The following BMP2K variants were observed in gnomAD, a reference collection of about 807,000 sequenced individuals.
The protein encoded by BMP2K is BMP-2-inducible protein kinase.
Under a neutral mutation model 116.0 loss-of-function variants are expected in BMP2K, and 74 were observed. That is an observed-to-expected ratio of 0.64 (90% CI 0.53 to 0.77). BMP2K has a LOEUF of 0.77. BMP2K is among the 30% of genes least tolerant of loss of function. The pLI is 0.00. For synonymous variants in BMP2K, 486 were observed against 502.5 expected (o/e 0.97, Z 0.44); for missense variants, 1,365 against 1,403.6 (o/e 0.97, Z 0.44).
chr4:78,805,295 C>T (rs534825226), intron 1 of BMP2K, among the ~76,000 whole-genome samples: 1 of 152,304 alleles, frequency 6.6e-6, no homozygotes, highest in African/African-American at 2.4e-5. Context: ...ACCAGTACCA[C>T]ACTGTCTTGA....
chr4:78,871,803 G>A (rs1308449548), intron 11 of BMP2K, 47 bp from the exon 12 acceptor site: 1 of 1,338,290 alleles, frequency 7.5e-7, no homozygotes, highest in Non-Finnish European at 1.1e-6. Context: ...AAAGGGCTCT[G>A]ACACAAAAAA....
chr4:78,872,619 G>A lies in BMP2K; in HGVS notation c.1614G>A (p.Pro538=), dbSNP rs767986751. 30 of 1,613,130 alleles carry A rather than the reference G, an allele frequency of 1.9e-5. No individual in the cohort carries two copies. Among genetic ancestry groups the A allele is most frequent in the African/African-American group, 6.7e-5 (5 of 74,842 alleles). ...PSASQYPTMM[P]QYQQAFFQQQ... The stretch of plus-strand genomic sequence containing the variant: ...AATATCATTTCTTTTTTCAGATGCC[G>A]CAGTATCAGCAGGCTTTCTTTCAAC... The change falls in exon 13 of 16, where the codon CCG becomes CCA. Residue 538 remains proline (P), a synonymous_variant. Coordinates refer to ENST00000502613, the MANE Select transcript of BMP2K (RefSeq NM_198892.2).
intron 1 of BMP2K, among the ~76,000 whole-genome samples, chr4:78,825,808 A>G (rs1729840512): frequency 6.6e-6 from 1 of 152,246 alleles, no homozygotes; most frequent in Admixed American, 6.5e-5. Context: ...TTTAGCCTTT[A>G]AGAGAGAAGC....
At chr4:78,874,600 G>A (rs1206482267) in intron 13 of BMP2K, among the ~76,000 whole-genome samples, 2 of 152,112 alleles carry the variant, frequency 1.3e-5, no homozygotes, top group Non-Finnish European at 2.9e-5. Context: ...GATATTAACT[G>A]TCTTCTCTGA....
rs34599936 is a variant in BMP2K, at chr4:78,872,303, CTTTTTTTTTTTT to C, written c.1609-296_1609-285del. 6.5e-5 allele frequency: 6 copies of C among 92,332 alleles called. 1 individual carries two copies. The highest frequency in any genetic ancestry group is 2.2e-4 in the East Asian group (1 of 4,464). The allele number at this position is 92,332 out of a possible 1,614,324, so 5.7% of individuals were successfully genotyped here. ...TATTTTCTTCAGAGAATAATTTGAC[CTTTTTTTTTTTT>C]TTTTTTTTTTTTTTAACAGCAACCA... On this transcript the variant is annotated intron_variant, in intron 12 of 15. Coordinates refer to ENST00000502613, the MANE Select transcript of BMP2K (RefSeq NM_198892.2).
intron 1 of BMP2K, among the ~76,000 whole-genome samples, chr4:78,813,141 T>G (rs1046837852): frequency 1.4e-4 from 21 of 152,004 alleles, no homozygotes; most frequent in African/African-American, 5.1e-4. Flanking sequence ...TTCTTCTATT[T>G]CCTCAGTCCA....
intron 1 of BMP2K, among the ~76,000 whole-genome samples, chr4:78,784,055 A>G (rs752493547): frequency 4.1e-4 from 62 of 152,216 alleles, no homozygotes; most frequent in Non-Finnish European, 7.2e-4. Flanking sequence ...GATGTTGTCA[A>G]TGTTAGAGAA....
In BMP2K at chr4:78,847,967, C is replaced by A. The variant is rs577189315; in HGVS notation, c.750+698C>A. ...ATATTAGGAATGGAGGAATAAAATT[C>A]TTTGGAAATAGTTCTAGGGTTTGTA... On this transcript the variant is annotated intron_variant, in intron 6 of 15. Transcript: ENST00000502613. Among the ~76,000 whole-genome samples the A allele has an allele frequency of 2.6e-5, 4 of 151,630 alleles. No homozygotes were observed. The South Asian group carries it at 8.3e-4, about 31-fold the overall frequency.
chr4:78,844,431 T>C (rs186016356), intron 4 of BMP2K, among the ~76,000 whole-genome samples: 10 of 151,742 alleles, frequency 6.6e-5, no homozygotes, highest in Non-Finnish European at 1.2e-4. Flanking sequence ...ATAAAAATGG[T>C]ACTAGAAATC....
At chr4:78,818,135 T>A (rs577949672) in intron 1 of BMP2K, among the ~76,000 whole-genome samples, 58 of 152,256 alleles carry the variant, frequency 3.8e-4, no homozygotes, top group Non-Finnish European at 6.0e-4. Context: ...ATATATATAT[T>A]TTTTAAATTT....
chr4:78,887,342 A>G, intron 15 of BMP2K, 58 bp downstream of exon 15: 8 of 1,246,706 alleles, frequency 6.4e-6, no homozygotes, highest in Non-Finnish European at 9.2e-6. Context: ...GAACAACAGC[A>G]AAATCTTATA....
intron 6 of BMP2K, among the ~76,000 whole-genome samples, chr4:78,848,455 T>C (rs1039771777): frequency 1.3e-5 from 2 of 151,380 alleles, no homozygotes; most frequent in Non-Finnish European, 3.0e-5. Context: ...GAAGAGGTGA[T>C]TATGGAGGTC....
At chr4:78,909,055 C>CTTTTTTTT (rs1053664659) in intron 15 of BMP2K, among the ~76,000 whole-genome samples, 13 of 94,410 alleles carry the variant, frequency 1.4e-4, no homozygotes, top group African/African-American at 2.7e-4. Flanking sequence ...TTCCCTTAGT[C>CTTTTTTTT]TTTTTTTTTT....
intron 1 of BMP2K, among the ~76,000 whole-genome samples, chr4:78,811,815 G>A (rs1729105641): frequency 6.6e-6 from 1 of 152,052 alleles, no homozygotes; most frequent in Admixed American, 6.5e-5. Flanking sequence ...GACCCATCAT[G>A]TATTGGCTTA....
At chr4:78,909,393 C>G (rs1015258340) in intron 15 of BMP2K, among the ~76,000 whole-genome samples, 8 of 151,748 alleles carry the variant, frequency 5.3e-5, no homozygotes, top group African/African-American at 1.7e-4. Flanking sequence ...AATCATGACA[C>G]CTATTTTAAT....
rs548889565 is a variant in BMP2K at position 78,910,999 on chromosome 4, T to A, written c.2452T>A (p.Ser818Thr). 1.9e-4 allele frequency: 312 copies of A among 1,613,666 alleles called. No individual in the cohort carries two copies. The highest frequency in any genetic ancestry group is 2.5e-4 in the Non-Finnish European group (291 of 1,179,834). The change falls in exon 16 of 16, where the codon TCT (serine) becomes ACT (threonine). Residue 818 changes from serine (S) to threonine (T), a missense_variant. Around this residue, in one of 3 missense-constraint regions of BMP2K, gnomAD observed 596 missense variants for 623.2 expected, o/e 0.96. Transcript: ENST00000502613. The stretch of plus-strand genomic sequence containing the variant: ...TAAAGCAAAGTACAGTGACATGAGC[T>A]CTGTCTACAGAGACAGATCTGGCAG... ...QAKAKYSDMS[S>T]VYRDRSGSGP... is the part of the protein sequence containing the mutation.
intron 14 of BMP2K, among the ~76,000 whole-genome samples, chr4:78,883,820 T>C (rs984488891): frequency 3.9e-5 from 6 of 152,012 alleles, no homozygotes; most frequent in African/African-American, 1.5e-4. Flanking sequence ...CCTGCTACTT[T>C]GGAGGTTGAG....
At chr4:78,909,318 G>T (rs1734454205) in intron 15 of BMP2K, among the ~76,000 whole-genome samples, 1 of 151,900 alleles carries the variant, frequency 6.6e-6, no homozygotes, top group Non-Finnish European at 1.5e-5. Context: ...TTACAGGGGT[G>T]AGCCACCGCA....
intron 15 of BMP2K, among the ~76,000 whole-genome samples, chr4:78,903,057 CTG>C (rs1734093752): frequency 6.6e-6 from 1 of 152,000 alleles, no homozygotes; most frequent in South Asian, 2.1e-4. Flanking sequence ...CTTGTTTGGA[CTG>C]TGCAAGGCTA....
Sources: gnomAD v4.1 joint callset for allele counts (sites outside exome capture counted in the v4.1 genomes callset) on GRCh38, gnomAD v4.1.1 for gene constraint, gnomAD v4.1.1 regional missense constraint, MANE v1.5 for transcripts, NCBI Gene and HGNC (gene_info 2026-07-23, HGNC 2026-07-21) for gene names.